Variants in SRPK2 observed in about 807,000 individuals in gnomAD.
The protein encoded by SRPK2 is SRSF protein kinase 2.
A neutral mutation model predicts 90.8 loss-of-function variants in SRPK2; 21 were observed. The ratio of observed to expected loss-of-function variants is 0.23; its 90% CI spans 0.16 to 0.33. The LOEUF (loss-of-function observed/expected upper bound fraction) is 0.33, where lower values mean the gene tolerates loss of function less well. SRPK2 is among the 10% of genes least tolerant of loss of function. SRPK2 has a pLI of 1.00. For synonymous variants in SRPK2, 288 were observed against 311.1 expected (o/e 0.93, Z 0.78); for missense variants, 620 against 869.0 (o/e 0.71, Z 3.60).
At chr7:105,302,230 A>C in intron 2 of SRPK2, 1 of 705,298 alleles carries the variant, frequency 1.4e-6, no homozygotes, top group Non-Finnish European at 2.5e-6. Flanking sequence ...TTGTAAGTTG[A>C]AAGTTCATGA....
At chr7:105,208,906 G>C (rs1208336774) in intron 2 of SRPK2, among the ~76,000 whole-genome samples, 2 of 152,092 alleles carry the variant, frequency 1.3e-5, no homozygotes, top group African/African-American at 4.8e-5. Context: ...AGGATCGCTT[G>C]AGCCCAGGAG....
intron 2 of SRPK2, among the ~76,000 whole-genome samples, chr7:105,364,405 G>GTTTTTTTTTTTTTTTT (rs71152964): frequency 3.0e-5 from 4 of 133,904 alleles, no homozygotes; most frequent in African/African-American, 2.8e-5. Context: ...CGTGTGTAAC[G>GTTTTTTTTTTTTTTTT]TTTTTTTTTT....
chr7:105,389,105 G>A (rs963641581), upstream of SRPK2: 216 of 974,898 alleles, frequency 2.2e-4, no homozygotes, highest in Admixed American at 5.0e-4. Flanking sequence ...GGCCGCGCTG[G>A]CCCTCGGCCT....
At chr7:105,371,519 G>A (rs1229115300) in intron 2 of SRPK2, among the ~76,000 whole-genome samples, 2 of 150,720 alleles carry the variant, frequency 1.3e-5, no homozygotes, top group Non-Finnish European at 3.0e-5. Context: ...TGGGAGGTTA[G>A]GGTGGGAAGA....
At position 105,341,870 on chromosome 7, in the gene SRPK2, G is replaced by A. The variant is rs192991642; in HGVS notation, c.71+46778C>T. ...TAATCCCAGCTACTCGGAACGCTGA[G>A]ACAGGAGAATCGCTGGAACCTGGTA... On this transcript the variant is annotated intron_variant, in intron 2 of 15. Transcript: ENST00000393651. Among the ~76,000 whole-genome samples, 8 of 152,230 alleles carry A rather than the reference G, an allele frequency of 5.3e-5. No homozygotes were observed. In the East Asian group the frequency reaches 9.7e-4, roughly 18 times the overall value.
chr7:105,180,020 A>G (rs1174070738), intron 3 of SRPK2, among the ~76,000 whole-genome samples: 1 of 152,162 alleles, frequency 6.6e-6, no homozygotes, highest in Non-Finnish European at 1.5e-5. Context: ...AACAATTTAC[A>G]GATTCAATGC....
intron 2 of SRPK2, among the ~76,000 whole-genome samples, chr7:105,219,210 C>T (rs1476496856): frequency 6.6e-6 from 1 of 152,044 alleles, no homozygotes; most frequent in East Asian, 1.9e-4. Flanking sequence ...AGGCAGAAGA[C>T]GGAACATTTT....
chr7:105,239,713 A>T (rs921870562), intron 2 of SRPK2, among the ~76,000 whole-genome samples: 3 of 152,188 alleles, frequency 2.0e-5, no homozygotes, highest in Non-Finnish European at 4.4e-5. Context: ...TAAAGCAACA[A>T]CAGAAACCCC....
chr7:105,203,077 C>A (rs928374298), intron 3 of SRPK2, among the ~76,000 whole-genome samples: 18 of 152,176 alleles, frequency 1.2e-4, no homozygotes. Context: ...AAACCTCTGC[C>A]TCCTGGGCTC....
At chr7:105,394,072 G>A (rs1258620495), upstream of SRPK2, among the ~76,000 whole-genome samples, 16 of 152,004 alleles carry the variant, frequency 1.1e-4, no homozygotes, top group Admixed American at 1.0e-3. Flanking sequence ...TGCCTGTTCT[G>A]GACAGTTCAT....
At chr7:105,201,364 T>C (rs1487094029) in intron 3 of SRPK2, among the ~76,000 whole-genome samples, 1 of 152,196 alleles carries the variant, frequency 6.6e-6, no homozygotes, top group Non-Finnish European at 1.5e-5. Context: ...CTGACTTTAA[T>C]ACTCTGTGAA....
intron 2 of SRPK2, among the ~76,000 whole-genome samples, chr7:105,292,218 T>C (rs1183668443): frequency 6.6e-6 from 1 of 152,080 alleles, no homozygotes; most frequent in Non-Finnish European, 1.5e-5. Flanking sequence ...GGTTAAAAAG[T>C]AAATTAGGCT....
rs1167834503 is a variant in SRPK2, at chr7:105,142,306, A to G, written c.1245T>C (p.Asp415=). The change falls in exon 11 of 16, where the codon GAT becomes GAC. Residue 415 remains aspartate, a synonymous_variant. Transcript: ENST00000393651. The stretch of plus-strand genomic sequence containing the variant: ...CCTCAGGATTTGGGCAGTCTTCTTC[A>G]TCATCATCTTCATCGTCCAGTTGCT... ...LEQQLDDEDD[D]EEDCPNPEEY... 6 of 1,614,040 alleles carry G rather than the reference A, an allele frequency of 3.7e-6. No individual in the cohort carries two copies. The highest frequency in any genetic ancestry group is 5.1e-6 in the Non-Finnish European group (6 of 1,180,030).
intron 2 of SRPK2, among the ~76,000 whole-genome samples, chr7:105,342,189 T>A (rs1815892238): frequency 6.6e-6 from 1 of 151,654 alleles, no homozygotes; most frequent in African/African-American, 2.4e-5. Context: ...CCAGGCATGG[T>A]GGCACATGCC....
intron 3 of SRPK2, among the ~76,000 whole-genome samples, chr7:105,183,511 G>A (rs1793160778): frequency 6.6e-6 from 1 of 152,130 alleles, no homozygotes. Flanking sequence ...TTTTGAGACA[G>A]AGTCTCACTC....
chr7:105,322,761 A>C (rs1813086399), intron 2 of SRPK2, among the ~76,000 whole-genome samples: 2 of 148,370 alleles, frequency 1.3e-5, no homozygotes, highest in African/African-American at 5.0e-5. Flanking sequence ...AAAAAAAAAA[A>C]CAGTTTGCAC....
chr7:105,272,330 TTA>T (rs1267414527), intron 2 of SRPK2, among the ~76,000 whole-genome samples: 5 of 152,194 alleles, frequency 3.3e-5, no homozygotes, highest in Non-Finnish European at 5.9e-5. Flanking sequence ...AATCAATCCT[TTA>T]CCATCTGCCC....
At chr7:105,246,728 AT>A (rs994212753) in intron 2 of SRPK2, among the ~76,000 whole-genome samples, 3 of 150,794 alleles carry the variant, frequency 2.0e-5, no homozygotes, top group Non-Finnish European at 3.0e-5. Flanking sequence ...AAGCATATAT[AT>A]TTTTTTTCAG....
intron 6 of SRPK2, among the ~76,000 whole-genome samples, chr7:105,165,291 C>T (rs1789892244): frequency 1.3e-5 from 2 of 152,308 alleles, no homozygotes; most frequent in Middle Eastern, 3.4e-3. Context: ...ATGGTCAAAA[C>T]TGATATTCTC....
Sources: allele counts gnomAD v4.1 joint callset (sites outside exome capture counted in the v4.1 genomes callset), GRCh38; gene constraint gnomAD v4.1.1; transcripts MANE v1.5; gene names NCBI Gene and HGNC (gene_info 2026-07-23, HGNC 2026-07-21).